Variants in NRG3 observed in about 807,000 individuals in gnomAD.
NRG3 encodes the protein neuregulin 3, also known as pro-neuregulin-3, membrane-bound isoform.
NRG3 carries 31 observed loss-of-function variants against 66.9 expected under a neutral mutation model. The observed-to-expected ratio is 0.46, with a 90% CI of 0.35 to 0.63. The LOEUF is 0.63. NRG3 is among the 20% of genes least tolerant of loss of function. The pLI is 0.00. For missense variants in NRG3, 910 were observed against 878.9 expected (o/e 1.04, Z -0.45); for synonymous variants, 393 against 359.4 (o/e 1.09, Z -1.06).
chr10:82,037,992 A>AGC (rs2132969807), intron 1 of NRG3, among the ~76,000 whole-genome samples: 1 of 143,820 alleles, frequency 7.0e-6, no homozygotes, highest in African/African-American at 2.5e-5. Flanking sequence ...AGAGAGAGAG[A>AGC]GCAAAAAAAG....
intron 1 of NRG3, among the ~76,000 whole-genome samples, chr10:82,231,964 C>T (rs183078785): frequency 4.8e-4 from 73 of 152,306 alleles, no homozygotes; most frequent in African/African-American, 1.8e-3. Flanking sequence ...TTTTTGGCTA[C>T]TCACACTTAG....
At chr10:82,138,241 G>T (rs1347573532) in intron 1 of NRG3, among the ~76,000 whole-genome samples, 1 of 152,008 alleles carries the variant, frequency 6.6e-6, no homozygotes, top group African/African-American at 2.4e-5. Flanking sequence ...CTCTGCACCA[G>T]ACTTATTTGA....
At chr10:82,187,544 G>C (rs1485422908) in intron 1 of NRG3, among the ~76,000 whole-genome samples, 3 of 152,116 alleles carry the variant, frequency 2.0e-5, no homozygotes, top group African/African-American at 7.2e-5. Context: ...ATTTAATTTA[G>C]AGTGAGAAGG....
chr10:82,100,427 G>A (rs1298471190), intron 1 of NRG3, among the ~76,000 whole-genome samples: 1 of 151,818 alleles, frequency 6.6e-6, no homozygotes, highest in African/African-American at 2.4e-5. Flanking sequence ...TGTTGAATAC[G>A]ATGATGTATA....
chr10:82,868,837 C>T (rs1251047586), intron 4 of NRG3, among the ~76,000 whole-genome samples: 4 of 152,044 alleles, frequency 2.6e-5, no homozygotes, highest in African/African-American at 9.7e-5. Context: ...AGATTACAGG[C>T]GCCTGCCACC....
chr10:81,904,430 C>T (rs1354735214), intron 1 of NRG3, among the ~76,000 whole-genome samples: 3 of 151,936 alleles, frequency 2.0e-5, no homozygotes, highest in Non-Finnish European at 2.9e-5. Flanking sequence ...TTGACTGTTC[C>T]CAGACAGAAA....
chr10:82,542,397 A>G (rs1255711094), intron 2 of NRG3, among the ~76,000 whole-genome samples: 2 of 152,256 alleles, frequency 1.3e-5, no homozygotes, highest in Non-Finnish European at 2.9e-5. Flanking sequence ...GCATCCCACT[A>G]GAAAACCTTG....
At chr10:82,388,872 G>A (rs775412579) in intron 2 of NRG3, among the ~76,000 whole-genome samples, 9 of 152,158 alleles carry the variant, frequency 5.9e-5, no homozygotes, top group South Asian at 4.1e-4. Flanking sequence ...ATTTGCTGGA[G>A]TGTGTTAAAA....
At chr10:82,453,453 C>T (rs184708061) in intron 2 of NRG3, among the ~76,000 whole-genome samples, 7 of 152,134 alleles carry the variant, frequency 4.6e-5, no homozygotes, top group Admixed American at 6.5e-5. Flanking sequence ...ATCTACAAAC[C>T]GATTTTGACC....
chr10:82,076,717 A>G (rs1204498663), intron 1 of NRG3, among the ~76,000 whole-genome samples: 1 of 152,026 alleles, frequency 6.6e-6, no homozygotes, highest in Non-Finnish European at 1.5e-5. Flanking sequence ...GTGACATGCC[A>G]GCTCCCCCTT....
intron 1 of NRG3, among the ~76,000 whole-genome samples, chr10:82,125,090 A>G (rs2068348849): frequency 1.3e-5 from 2 of 152,030 alleles, no homozygotes; most frequent in Non-Finnish European, 1.5e-5. Context: ...TTATTTAATA[A>G]TCTGACAAAG....
At chr10:82,648,254 A>C (rs1233466765) in intron 2 of NRG3, among the ~76,000 whole-genome samples, 1 of 152,134 alleles carries the variant, frequency 6.6e-6, no homozygotes, top group Non-Finnish European at 1.5e-5. Flanking sequence ...CCATTTATTA[A>C]ATAGGGAATC....
intron 2 of NRG3, among the ~76,000 whole-genome samples, chr10:82,717,020 C>G (rs891601846): frequency 6.6e-6 from 1 of 152,130 alleles, no homozygotes; most frequent in African/African-American, 2.4e-5. Context: ...TTCATTGGAA[C>G]TAGTTATTTA....
intron 2 of NRG3, among the ~76,000 whole-genome samples, chr10:82,424,625 C>G (rs183505728): frequency 1.3e-5 from 2 of 151,966 alleles, no homozygotes; most frequent in African/African-American, 4.8e-5. Context: ...CTTTAAAGTG[C>G]AAAAGAGTTA....
chr10:82,162,326 CT>C (rs2071663291), intron 1 of NRG3, among the ~76,000 whole-genome samples: 1 of 152,138 alleles, frequency 6.6e-6, no homozygotes, highest in Admixed American at 6.6e-5. Context: ...CACAAAATCA[CT>C]GAGCTTTCCT....
chr10:82,820,284 G>A (rs1037738548), intron 3 of NRG3, among the ~76,000 whole-genome samples: 6 of 152,170 alleles, frequency 3.9e-5, no homozygotes, highest in Non-Finnish European at 7.4e-5. Flanking sequence ...CATTATTGCT[G>A]TGAGGATTAG....
intron 2 of NRG3, among the ~76,000 whole-genome samples, chr10:82,385,285 T>G (rs1041599155): frequency 6.6e-6 from 1 of 152,190 alleles, no homozygotes; most frequent in Admixed American, 6.5e-5. Context: ...ACATTGTTGA[T>G]AGCTTCTTTT....
At chr10:82,926,417 A>G (rs1217271798) in intron 4 of NRG3, among the ~76,000 whole-genome samples, 2 of 152,214 alleles carry the variant, frequency 1.3e-5, no homozygotes, top group Non-Finnish European at 2.9e-5. Flanking sequence ...ACTTAGCTTT[A>G]TAGCTGAGGA....
intron 2 of NRG3, 115 bp downstream of exon 2, chr10:82,358,983 T>G: frequency 7.1e-7 from 1 of 1,407,784 alleles, no homozygotes; most frequent in Non-Finnish European, 9.8e-7. Flanking sequence ...TCCCACCGTT[T>G]GAATAGCAGA....
Sources: allele counts gnomAD v4.1 joint callset (sites outside exome capture counted in the v4.1 genomes callset), GRCh38; gene constraint gnomAD v4.1.1; transcripts MANE v1.5; gene names NCBI Gene and HGNC (gene_info 2026-07-23, HGNC 2026-07-21).